PIK3AP1: variants seen among roughly 807,000 people sequenced by gnomAD.
The protein encoded by PIK3AP1 is phosphoinositide 3-kinase adapter protein 1.
A neutral mutation model predicts 88.1 loss-of-function variants in PIK3AP1; 21 were observed. The ratio of observed to expected loss-of-function variants is 0.24; its 90% CI spans 0.17 to 0.34. PIK3AP1 has a LOEUF of 0.34. Ranked by LOEUF, PIK3AP1 falls within the 10% of genes least tolerant of loss-of-function variation. The pLI is 1.00. For missense variants in PIK3AP1, 828 were observed against 1,035.7 expected, an observed-to-expected ratio of 0.80 and a Z score of 2.75; for synonymous variants, 398 against 400.0, an observed-to-expected ratio of 1.00 and a Z score of 0.06.
chr10:96,602,541 C>G (rs752212539), intron 15 of PIK3AP1, 143 bp from the exon 16 acceptor site: 2 of 645,682 alleles, frequency 3.1e-6, no homozygotes, highest in African/African-American at 3.7e-5. Context: ...CCCAGCCATA[C>G]CTGGCAGCTT....
chr10:96,653,797 T>A (rs186224075), intron 3 of PIK3AP1, among the ~76,000 whole-genome samples: 152 of 152,326 alleles, frequency 1.0e-3, no homozygotes, highest in African/African-American at 3.5e-3. Context: ...CATTTATATG[T>A]CTTTTGATTT....
At chr10:96,610,654 G>C (rs1849091183) in intron 13 of PIK3AP1, among the ~76,000 whole-genome samples, 1 of 152,208 alleles carries the variant, frequency 6.6e-6, no homozygotes, top group Non-Finnish European at 1.5e-5. Context: ...CTGGGGTAAA[G>C]AGAGCTGATG....
At chr10:96,700,963 T>C in intron 2 of PIK3AP1, 1 of 877,982 alleles carries the variant, frequency 1.1e-6, no homozygotes, top group Non-Finnish European at 1.4e-6. Context: ...TAATAGCCTA[T>C]AACAGACCAC....
intron 8 of PIK3AP1, among the ~76,000 whole-genome samples, chr10:96,639,008 A>C (rs1243734720): frequency 6.6e-6 from 1 of 152,252 alleles, no homozygotes; most frequent in African/African-American, 2.4e-5. Context: ...CATGAATATG[A>C]AGGCATTTGG....
At chr10:96,709,158 T>C (rs935036646) in intron 2 of PIK3AP1, among the ~76,000 whole-genome samples, 1 of 151,696 alleles carries the variant, frequency 6.6e-6, no homozygotes, top group Non-Finnish European at 1.5e-5. Context: ...AAACCCTTTT[T>C]TAACAAAAAT....
At chr10:96,705,308 G>C (rs1844347304) in intron 2 of PIK3AP1, among the ~76,000 whole-genome samples, 1 of 152,234 alleles carries the variant, frequency 6.6e-6, no homozygotes, top group South Asian at 2.1e-4. Context: ...GGAATGTTAT[G>C]ATCAAAAGGC....
chr10:96,595,924 A>G (rs1848746483), intron 16 of PIK3AP1, among the ~76,000 whole-genome samples: 1 of 152,166 alleles, frequency 6.6e-6, no homozygotes, highest in African/African-American at 2.4e-5. Flanking sequence ...AAGCTTTTGA[A>G]TAGTTTCCCT....
At chr10:96,645,711 C>A in intron 7 of PIK3AP1, 49 bp from the exon 8 acceptor site, 3 of 1,519,214 alleles carry the variant, frequency 2.0e-6, no homozygotes, top group Non-Finnish European at 2.7e-6. Context: ...CCTGACTTTC[C>A]GGGTGGAACT....
chr10:96,596,432 A>G (rs1159154450), intron 16 of PIK3AP1, among the ~76,000 whole-genome samples: 4 of 152,160 alleles, frequency 2.6e-5, no homozygotes, highest in South Asian at 2.1e-4. Flanking sequence ...ATAACAAACT[A>G]TCTTTTCAGT....
At chr10:96,671,121 T>C (rs1443640148) in intron 2 of PIK3AP1, among the ~76,000 whole-genome samples, 1 of 152,234 alleles carries the variant, frequency 6.6e-6, no homozygotes, top group Non-Finnish European at 1.5e-5. Context: ...AAATTCAGCA[T>C]CACAGCTATT....
intron 8 of PIK3AP1, among the ~76,000 whole-genome samples, chr10:96,641,571 G>A (rs908699555): frequency 1.3e-5 from 2 of 152,206 alleles, no homozygotes; most frequent in South Asian, 4.1e-4. Flanking sequence ...AATAGCTCCT[G>A]TGTAAGTGTC....
chr10:96,675,476 C>T (rs1049314217), intron 2 of PIK3AP1, among the ~76,000 whole-genome samples: 1 of 152,110 alleles, frequency 6.6e-6, no homozygotes, highest in Non-Finnish European at 1.5e-5. Flanking sequence ...GGGCCTTGGT[C>T]GAAAGCTATG....
chr10:96,624,828 C>A (rs916153166), intron 10 of PIK3AP1, among the ~76,000 whole-genome samples: 12 of 152,204 alleles, frequency 7.9e-5, no homozygotes, highest in South Asian at 6.2e-4. Flanking sequence ...AGTTTCCTAG[C>A]AAGTCCATCA....
At chr10:96,677,620 C>CACAG (rs1554960890) in intron 2 of PIK3AP1, among the ~76,000 whole-genome samples, 1 of 149,664 alleles carries the variant, frequency 6.7e-6, no homozygotes, top group African/African-American at 2.5e-5. Flanking sequence ...CACACACACA[C>CACAG]ACACACAAAA....
chr10:96,617,607 C>T (rs887849065), intron 12 of PIK3AP1, among the ~76,000 whole-genome samples: 1 of 152,138 alleles, frequency 6.6e-6, no homozygotes, highest in Non-Finnish European at 1.5e-5. Context: ...ATGGAGTATG[C>T]CAGATGCAGG....
At chr10:96,675,272 C>A (rs1289298363) in intron 2 of PIK3AP1, among the ~76,000 whole-genome samples, 1 of 152,012 alleles carries the variant, frequency 6.6e-6, no homozygotes, top group Non-Finnish European at 1.5e-5. Flanking sequence ...CTGTCTGAGC[C>A]CAAATGAATA....
At chr10:96,675,124 C>T (rs963714912) in intron 2 of PIK3AP1, among the ~76,000 whole-genome samples, 2 of 151,902 alleles carry the variant, frequency 1.3e-5, no homozygotes, top group Non-Finnish European at 2.9e-5. Context: ...AACCCCTGAC[C>T]TCAGGTGATC....
intron 2 of PIK3AP1, among the ~76,000 whole-genome samples, chr10:96,667,777 T>C (rs917919621): frequency 3.8e-5 from 5 of 133,004 alleles, no homozygotes; most frequent in African/African-American, 1.6e-4. Flanking sequence ...TTCAAATCTT[T>C]CAGTTCCACT....
At chr10:96,708,805 G>A (rs890123975) in intron 2 of PIK3AP1, among the ~76,000 whole-genome samples, 3 of 151,830 alleles carry the variant, frequency 2.0e-5, no homozygotes, top group Non-Finnish European at 4.4e-5. Flanking sequence ...ATAGAGAAGA[G>A]GGCTATTTCT....
Sources: gnomAD v4.1 joint callset for allele counts (sites outside exome capture counted in the v4.1 genomes callset) on GRCh38, gnomAD v4.1.1 for gene constraint, MANE v1.5 for transcripts, NCBI Gene and HGNC (gene_info 2026-07-23, HGNC 2026-07-21) for gene names.